Variants in DNAH12 observed in about 807,000 individuals in gnomAD.
DNAH12 encodes dynein axonemal heavy chain 12.
In DNAH12, 285 loss-of-function variants were observed where a neutral mutation model predicts 371.5. That is an observed-to-expected ratio of 0.77 (90% confidence interval 0.70 to 0.85). DNAH12 has a LOEUF of 0.85. Ranked by LOEUF, DNAH12 falls within the 40% of genes least tolerant of loss-of-function variation. The probability of loss-of-function intolerance (pLI) is 0.00; values close to 1 mark genes in which losing one functional copy is unlikely to be tolerated. For missense variants in DNAH12, 3,611 were observed against 3,689.4 expected, an observed-to-expected ratio of 0.98 and a Z score of 0.55; for synonymous variants, 1,200 against 1,213.0, an observed-to-expected ratio of 0.99 and a Z score of 0.22.
chr3:57,441,722 G>A (rs567164756), intron 29 of DNAH12, among the ~76,000 whole-genome samples: 2 of 152,058 alleles, frequency 1.3e-5, no homozygotes, highest in Non-Finnish European at 2.9e-5. Flanking sequence ...AGCCCAGGAG[G>A]TTGACAATGC....
chr3:57,359,123 C>T (rs2062864286), intron 58 of DNAH12, among the ~76,000 whole-genome samples: 1 of 152,138 alleles, frequency 6.6e-6, no homozygotes, highest in Admixed American at 6.5e-5. Flanking sequence ...ATTAGTATTC[C>T]ATGGCTTGAT....
At chr3:57,327,621 T>C (rs1162040719) in intron 62 of DNAH12, among the ~76,000 whole-genome samples, 2 of 151,290 alleles carry the variant, frequency 1.3e-5, no homozygotes, top group South Asian at 2.1e-4. Context: ...AGATCTAAAA[T>C]TGACACCCTA....
intron 17 of DNAH12, among the ~76,000 whole-genome samples, chr3:57,463,408 A>G (rs1204918362): frequency 6.6e-6 from 1 of 152,092 alleles, no homozygotes; most frequent in Non-Finnish European, 1.5e-5. Flanking sequence ...CCAAATCCCA[A>G]AATGTAACAA....
intron 13 of DNAH12, among the ~76,000 whole-genome samples, chr3:57,479,741 C>T (rs2066668401): frequency 6.6e-6 from 1 of 152,150 alleles, no homozygotes; most frequent in African/African-American, 2.4e-5. Context: ...ACAGTGCAAT[C>T]AAACTAGAAC....
At chr3:57,300,434 T>A (rs993787389) in intron 70 of DNAH12, among the ~76,000 whole-genome samples, 1 of 152,154 alleles carries the variant, frequency 6.6e-6, no homozygotes, top group African/African-American at 2.4e-5. Flanking sequence ...TTTGTATTAT[T>A]CCTTTTGTTA....
chr3:57,384,535 T>C (rs2063461801), intron 49 of DNAH12, among the ~76,000 whole-genome samples: 1 of 151,968 alleles, frequency 6.6e-6, no homozygotes, highest in African/African-American at 2.4e-5. Context: ...TCCTAGTTAC[T>C]GAGGAGGCTA....
At chr3:57,480,481 C>T (rs2066700247) in intron 13 of DNAH12, among the ~76,000 whole-genome samples, 1 of 151,152 alleles carries the variant, frequency 6.6e-6, no homozygotes, top group Non-Finnish European at 1.5e-5. Flanking sequence ...CAGCCGAATT[C>T]TACCAGAGGT....
chr3:57,426,454 G>A (rs191968706), intron 34 of DNAH12, among the ~76,000 whole-genome samples: 3 of 152,156 alleles, frequency 2.0e-5, no homozygotes, highest in Admixed American at 2.0e-4. Context: ...ATACTATAAC[G>A]GGAAGGGTGG....
intron 60 of DNAH12, among the ~76,000 whole-genome samples, chr3:57,339,422 G>GAGT (rs2062337066): frequency 6.7e-6 from 1 of 149,820 alleles, no homozygotes; most frequent in African/African-American, 2.5e-5. Context: ...TCATGAGAAA[G>GAGT]AGTAGAACAG....
chr3:57,382,801 C>T lies in DNAH12; in HGVS notation c.7861-408G>A, dbSNP rs1055705855. 1.9e-3 allele frequency among the ~76,000 whole-genome samples: 296 copies of T among 152,234 alleles called. 1 individual carries two copies. Among genetic ancestry groups the T allele is most frequent in the Non-Finnish European group, 3.1e-3 (210 of 68,022 alleles). ...ATTGAAGAAGATGAAAGAAGAGGTA[C>T]GTCCCAATTCCAAACCTATTTTCTA... is the stretch of plus-strand genomic sequence containing the variant. On this transcript the variant is annotated intron_variant, in intron 49 of 73. Coordinates refer to ENST00000495027, the MANE Select transcript of DNAH12 (RefSeq NM_001366028.2).
intron 4 of DNAH12, among the ~76,000 whole-genome samples, chr3:57,513,097 C>G (rs1245304951): frequency 1.3e-5 from 2 of 150,848 alleles, no homozygotes; most frequent in Non-Finnish European, 2.9e-5. Flanking sequence ...GAGATCGCAC[C>G]ACTGCACTCC....
intron 57 of DNAH12, 26 bp from the exon 58 acceptor site, chr3:57,363,812 A>G (rs1289319787): frequency 2.0e-5 from 3 of 152,196 alleles, no homozygotes; most frequent in African/African-American, 7.2e-5. Flanking sequence ...CATTTAGTCC[A>G]AATTTGTAGT....
At chr3:57,542,453 G>A (rs1272010259) in intron 2 of DNAH12, among the ~76,000 whole-genome samples, 1 of 152,226 alleles carries the variant, frequency 6.6e-6, no homozygotes, top group African/African-American at 2.4e-5. Flanking sequence ...CTAAACAATG[G>A]AGCTAACAAT....
chr3:57,335,073 G>A, intron 60 of DNAH12, 133 bp from the exon 61 acceptor site: 1 of 937,344 alleles, frequency 1.1e-6, no homozygotes, highest in East Asian at 2.7e-5. Context: ...CTAGAAAACT[G>A]GACAAAATTA....
In DNAH12 at chr3:57,452,835, A is replaced by G. The variant is rs1409562147; in HGVS notation, c.3786+8T>C. On this transcript the variant is annotated splice_region_variant and intron_variant, in intron 25 of 73. Coordinates refer to ENST00000495027, the MANE Select transcript of DNAH12 (RefSeq NM_001366028.2). Reference sequence around the variant, plus strand: ...TAATGTGTGAATTAAGATAATTTAAATGCATACCAATGTTCTGTAACACCT... The same window carrying G: ...TAATGTGTGAATTAAGATAATTTAAGTGCATACCAATGTTCTGTAACACCT... 6.5e-7 allele frequency: 1 copy of G among 1,531,422 alleles called. No homozygotes were observed. 94.9% of individuals were successfully genotyped at this position (1,531,422 alleles called of 1,614,324 possible).
In DNAH12 at chr3:57,296,837, G is replaced by C; in HGVS notation, c.11532+10C>G. 1 of 1,551,180 alleles carries C rather than the reference G, an allele frequency of 6.4e-7. No individual in the cohort carries two copies. The highest frequency in any genetic ancestry group is 8.7e-7 in the Non-Finnish European group (1 of 1,146,828). On this transcript the variant is annotated intron_variant, in intron 71 of 73. Transcript: ENST00000495027. ...AATGATATACTGTTGACTTTAAGGA[G>C]TTACTATACCTCAAATTCATATCCT...
intron 13 of DNAH12, among the ~76,000 whole-genome samples, chr3:57,478,853 A>C (rs376597080): frequency 7.2e-5 from 11 of 152,188 alleles, no homozygotes; most frequent in East Asian, 1.9e-4. Context: ...GAAATAAAAT[A>C]CTTTACAGAC....
At chr3:57,305,828 G>C (rs1482387938) in intron 69 of DNAH12, among the ~76,000 whole-genome samples, 1 of 152,114 alleles carries the variant, frequency 6.6e-6, no homozygotes, top group Non-Finnish European at 1.5e-5. Flanking sequence ...ATAGAAAAAA[G>C]TTGCAATTCC....
intron 13 of DNAH12, among the ~76,000 whole-genome samples, chr3:57,473,857 A>G (rs1331115778): frequency 6.6e-6 from 1 of 152,158 alleles, no homozygotes; most frequent in Admixed American, 6.5e-5. Context: ...AATAGATTAA[A>G]GAGAAAAAGC....
Sources: allele counts gnomAD v4.1 joint callset (sites outside exome capture counted in the v4.1 genomes callset), GRCh38; gene constraint gnomAD v4.1.1; transcripts MANE v1.5; gene names NCBI Gene and HGNC (gene_info 2026-07-23, HGNC 2026-07-21).